Variants in UEVLD observed in about 807,000 individuals in gnomAD.
The protein encoded by UEVLD is UEV and lactate/malate dehyrogenase domains.
A neutral mutation model predicts 58.6 loss-of-function variants in UEVLD; 47 were observed. The observed-to-expected ratio is 0.80, with a 90% CI of 0.63 to 1.02. UEVLD has a LOEUF of 1.02. UEVLD is among the 50% of genes least tolerant of loss of function. UEVLD has a pLI of 0.00. For synonymous variants in UEVLD, 197 were observed against 195.3 expected (o/e 1.01, Z -0.07); for missense variants, 510 against 550.6 (o/e 0.93, Z 0.74).
chr11:18,549,471 C>T (rs1469099321), intron 7 of UEVLD, among the ~76,000 whole-genome samples: 1 of 152,134 alleles, frequency 6.6e-6, no homozygotes, highest in Admixed American at 6.6e-5. Flanking sequence ...GGCTGGAGTG[C>T]AGTGGTATGC....
intron 6 of UEVLD, among the ~76,000 whole-genome samples, chr11:18,560,130 CACACACACAGAGAGAG>C (rs1327356211): frequency 1.5e-4 from 13 of 86,136 alleles, no homozygotes; most frequent in African/African-American, 6.5e-4. Flanking sequence ...CACACACACA[CACACACACAGAGAGAG>C]AAAGAAAATA....
intron 7 of UEVLD, among the ~76,000 whole-genome samples, chr11:18,553,451 T>G (rs1484627333): frequency 6.6e-6 from 1 of 152,118 alleles, no homozygotes; most frequent in African/African-American, 2.4e-5. Context: ...TCTTCAAAAG[T>G]GTAGAATTAA....
chr11:18,577,635 C>A (rs899726882), intron 2 of UEVLD, among the ~76,000 whole-genome samples: 3 of 152,056 alleles, frequency 2.0e-5, no homozygotes, highest in Admixed American at 6.5e-5. Flanking sequence ...TTTGGGAGGC[C>A]GAGGTGGATG....
At chr11:18,574,763 T>G (rs1263397873) in intron 3 of UEVLD, among the ~76,000 whole-genome samples, 3 of 152,162 alleles carry the variant, frequency 2.0e-5, no homozygotes, top group African/African-American at 7.2e-5. Context: ...GGAGTCTGAG[T>G]TTCAGGCTAA....
Position 18,578,804 on chromosome 11 carries a change from T to C in UEVLD, c.47A>G (p.Lys16Arg). The C allele has an allele frequency of 6.3e-7, 1 of 1,593,618 alleles. No homozygotes were observed. Among genetic ancestry groups the C allele is most frequent in the Non-Finnish European group, 8.5e-7 (1 of 1,171,680 alleles). The change falls in exon 2 of 12, where the codon AAG (lysine) becomes AGG (arginine). Residue 16 changes from lysine to arginine, a missense_variant. Physicochemically the swap from Lys to Arg is conservative, Grantham distance 26. Transcript: ENST00000396197. ...EGLRRLLGKY[K>R]FRDLTVEELR... is the part of the protein sequence containing the mutation. ...TTCTTCCACAGTTAGGTCCCTGAACTTGTACTGAAAAGAGAAAAATAAGCA... is the reference window on the plus strand; with the variant it reads ...TTCTTCCACAGTTAGGTCCCTGAACCTGTACTGAAAAGAGAAAAATAAGCA...
intron 7 of UEVLD, among the ~76,000 whole-genome samples, chr11:18,551,096 C>A (rs1311650419): frequency 6.6e-5 from 10 of 152,132 alleles, no homozygotes. Context: ...TTAGAAAGAA[C>A]TTTAAGCATG....
chr11:18,581,340 C>T (rs1853228611), intron 1 of UEVLD, among the ~76,000 whole-genome samples: 1 of 152,056 alleles, frequency 6.6e-6, no homozygotes, highest in Non-Finnish European at 1.5e-5. Flanking sequence ...AGAAAGGCCT[C>T]TGGAGAAGCT....
intron 1 of UEVLD, among the ~76,000 whole-genome samples, chr11:18,586,723 G>A (rs1431021044): frequency 6.6e-6 from 1 of 152,136 alleles, no homozygotes; most frequent in African/African-American, 2.4e-5. Flanking sequence ...ATTATTTGCA[G>A]ACTGCAGTGA....
chr11:18,556,382 CATT>C (rs1339868721), intron 7 of UEVLD, among the ~76,000 whole-genome samples: 1 of 152,212 alleles, frequency 6.6e-6, no homozygotes, highest in African/African-American at 2.4e-5. Flanking sequence ...AAAATGAACT[CATT>C]GTATCCTACA....
At chr11:18,567,448 A>G (rs113476309) in intron 4 of UEVLD, among the ~76,000 whole-genome samples, 1 of 152,230 alleles carries the variant, frequency 6.6e-6, no homozygotes, top group Non-Finnish European at 1.5e-5. Context: ...CTATTTATAA[A>G]GTAAGAAGAG....
At chr11:18,587,107 T>A (rs918935945) in intron 1 of UEVLD, among the ~76,000 whole-genome samples, 3 of 152,128 alleles carry the variant, frequency 2.0e-5, no homozygotes, top group Middle Eastern at 3.4e-3. Context: ...GAAAAAAAAA[T>A]CCTCTACTAT....
At chr11:18,557,434 G>T (rs1422155063) in intron 7 of UEVLD, among the ~76,000 whole-genome samples, 1 of 152,060 alleles carries the variant, frequency 6.6e-6, no homozygotes, top group Non-Finnish European at 1.5e-5. Flanking sequence ...TTACAGGCGT[G>T]AGCCACCGCG....
At chr11:18,559,191 T>TTTTCA (rs779327862) in intron 6 of UEVLD, among the ~76,000 whole-genome samples, 253 of 150,218 alleles carry the variant, frequency 1.7e-3, no homozygotes, top group Non-Finnish European at 2.8e-3. Context: ...TTTCTTTTTC[T>TTTTCA]TTTCTTTTCT....
chr11:18,541,360 A>G (rs1444220535), intron 9 of UEVLD, among the ~76,000 whole-genome samples: 2 of 152,232 alleles, frequency 1.3e-5, no homozygotes, highest in South Asian at 2.1e-4. Flanking sequence ...TATGATGTCT[A>G]TTTCACATGT....
intron 4 of UEVLD, among the ~76,000 whole-genome samples, chr11:18,569,732 C>T (rs527374074): frequency 3.3e-5 from 5 of 152,188 alleles, no homozygotes; most frequent in South Asian, 2.1e-4. Context: ...GGACATAAAA[C>T]AAATACTACA....
Position 18,536,048 on chromosome 11 carries a change from C to T in UEVLD, c.1124+358G>A, listed in dbSNP as rs533065666. Among the ~76,000 whole-genome samples, 4 of 152,242 alleles carry T rather than the reference C, an allele frequency of 2.6e-5. No individual in the cohort carries two copies. The East Asian group carries it at 5.8e-4, about 22-fold the overall frequency. ...ACTTGGGACACTGAGGCAGGGGAAT[C>T]GCTTGAACCCGGGAGGCGGAGGCTG... On this transcript the variant is annotated intron_variant, in intron 10 of 11. Transcript: ENST00000396197.
At chr11:18,564,351 T>C (rs1852191755) in intron 6 of UEVLD, among the ~76,000 whole-genome samples, 1 of 152,184 alleles carries the variant, frequency 6.6e-6, no homozygotes, top group Non-Finnish European at 1.5e-5. Flanking sequence ...TACTAGGCTC[T>C]GGAGGGAGGC....
chr11:18,532,386 T>G lies in UEVLD; in HGVS notation c.1350A>C (p.Thr450=). ...CACTGCTTTGGAGTTTCTCAGTAAC[T>G]GTATCTTCTTTCAGTGTGGTTTTGA... ...EVIKTTLKED[T]VTEKLQSSAS... Residue 450 remains threonine, a synonymous_variant, in exon 12 of 12, where the codon ACA becomes ACC. Transcript: ENST00000396197. The G allele has an allele frequency of 6.2e-7, 1 of 1,613,794 alleles. No homozygotes were observed. The highest frequency in any genetic ancestry group is 1.1e-5 in the South Asian group (1 of 91,040).
chr11:18,588,656 T>C lies in UEVLD; in HGVS notation c.-2A>G, dbSNP rs1171661614. The stretch of plus-strand genomic sequence containing the variant: ...CAGGCCCTCGCAGTCGAACTCCATC[T>C]CCAGGCCGGTCCCGAGCTAGGTCCC... On this transcript the variant is annotated 5_prime_UTR_variant, in exon 1 of 12. Transcript: ENST00000396197. The C allele has an allele frequency of 2.5e-6, 4 of 1,608,702 alleles. No individual in the cohort carries two copies. Among genetic ancestry groups the C allele is most frequent in the Admixed American group, 1.7e-5 (1 of 59,946 alleles).
Sources: gnomAD v4.1 joint callset for allele counts (sites outside exome capture counted in the v4.1 genomes callset) on GRCh38, gnomAD v4.1.1 for gene constraint, MANE v1.5 for transcripts, NCBI Gene and HGNC (gene_info 2026-07-23, HGNC 2026-07-21) for gene names.